The following ZFAT variants were observed in gnomAD, a reference collection of about 807,000 sequenced individuals.
ZFAT encodes zinc finger protein ZFAT.
A neutral mutation model predicts 117.7 loss-of-function variants in ZFAT; 64 were observed. That is an observed-to-expected ratio of 0.54 (90% CI 0.44 to 0.67). The LOEUF (loss-of-function observed/expected upper bound fraction) is 0.67, where lower values mean the gene tolerates loss of function less well. Among genes scored for constraint, ZFAT ranks in the 30% least tolerant of loss-of-function variants. The probability of loss-of-function intolerance (pLI) is 0.00; values close to 1 mark genes in which losing one functional copy is unlikely to be tolerated. For synonymous variants in ZFAT, 679 were observed against 615.0 expected (o/e 1.10, Z -1.54); for missense variants, 1,433 against 1,584.5 (o/e 0.90, Z 1.62).
chr8:134,723,860 A>T, the ZFAT span: 1 of 152,242 alleles, frequency 6.6e-6, no homozygotes. Flanking sequence ...CTGCTGTAAC[A>T]GCTGAGAGAA....
At chr8:134,541,002 C>A (rs920952494) in intron 11 of ZFAT, among the ~76,000 whole-genome samples, 4 of 152,134 alleles carry the variant, frequency 2.6e-5, no homozygotes, top group Non-Finnish European at 5.9e-5. Flanking sequence ...GGGAGAGGGG[C>A]CAGTTCTCGT....
chr8:134,604,356 G>A (rs953332136), intron 5 of ZFAT, among the ~76,000 whole-genome samples: 4 of 152,184 alleles, frequency 2.6e-5, no homozygotes, highest in Non-Finnish European at 5.9e-5. Flanking sequence ...TGAAATCACT[G>A]ACACGCAGCG....
In ZFAT at chr8:134,669,176, C is replaced by A. The variant is rs147880574; in HGVS notation, c.20-11439G>T. ...GAATGGAACCAAGGTGGAAAACACTCTGCAGGATATTATCCAGGAGAACTT... is the reference window on the plus strand; with the variant it reads ...GAATGGAACCAAGGTGGAAAACACTATGCAGGATATTATCCAGGAGAACTT... On this transcript the variant is annotated intron_variant, in intron 1 of 15. Transcript: ENST00000377838. 8.5e-3 allele frequency among the ~76,000 whole-genome samples: 1,301 copies of A among 152,318 alleles called. 27 individuals carry two copies. Among genetic ancestry groups the A allele is most frequent in the African/African-American group, 0.03 (1,234 of 41,552 alleles).
At position 134,503,675 on chromosome 8, in the gene ZFAT, G is replaced by A. The variant is rs529820488; in HGVS notation, c.3492+5944C>T. Among the ~76,000 whole-genome samples the A allele has an allele frequency of 3.9e-5, 6 of 152,122 alleles. No homozygotes were observed. In the South Asian group the frequency reaches 1.2e-3, roughly 32 times the overall value. ...TGATGGCCTAAATAGAATTAAAAAGGTGACCCTCCCCTTTTGAAAAGGAGG... is the reference window on the plus strand; with the variant it reads ...TGATGGCCTAAATAGAATTAAAAAGATGACCCTCCCCTTTTGAAAAGGAGG... On this transcript the variant is annotated intron_variant, in intron 15 of 15. Transcript: ENST00000377838.
At chr8:134,804,318 G>C in the ZFAT span, among the ~76,000 whole-genome samples, 4 of 152,210 alleles carry the variant, frequency 2.6e-5, no homozygotes, top group African/African-American at 9.6e-5. Flanking sequence ...TTAGTGGCTT[G>C]ACGTCTTGCA....
the ZFAT span, among the ~76,000 whole-genome samples, chr8:134,727,915 AATATCATT>A: frequency 6.6e-6 from 1 of 152,178 alleles, no homozygotes; most frequent in African/African-American, 2.4e-5. Context: ...CATAATGATA[AATATCATT>A]ATCAAAAATA....
chr8:134,659,696 C>T (rs1563738100), intron 1 of ZFAT, among the ~76,000 whole-genome samples: 1 of 152,226 alleles, frequency 6.6e-6, no homozygotes, highest in East Asian at 1.9e-4. Flanking sequence ...AAAATGAAAA[C>T]AACTCCTGAT....
chr8:134,816,978 C>T, the ZFAT span, among the ~76,000 whole-genome samples: 1 of 139,488 alleles, frequency 7.2e-6, no homozygotes, highest in African/African-American at 2.7e-5. Flanking sequence ...AAGACTCCAT[C>T]TCAAAAAAAA....
the ZFAT span, among the ~76,000 whole-genome samples, chr8:134,724,627 G>A: frequency 3.3e-5 from 5 of 152,080 alleles, no homozygotes; most frequent in Non-Finnish European, 7.4e-5. Context: ...AACTGGTCTC[G>A]GGTGGTCTGG....
intron 5 of ZFAT, among the ~76,000 whole-genome samples, chr8:134,605,284 C>T (rs550438871): frequency 1.0e-3 from 155 of 152,322 alleles, no homozygotes; most frequent in African/African-American, 3.4e-3. Flanking sequence ...CAGTGGCTCA[C>T]GCCTGTAATC....
intron 1 of ZFAT, among the ~76,000 whole-genome samples, chr8:134,706,746 T>C (rs1230705333): frequency 6.6e-6 from 1 of 151,864 alleles, no homozygotes; most frequent in Non-Finnish European, 1.5e-5. Flanking sequence ...GGAGCAGGGA[T>C]GGGATAGTAA....
chr8:134,810,578 C>T, the ZFAT span, among the ~76,000 whole-genome samples: 1 of 152,194 alleles, frequency 6.6e-6, no homozygotes, highest in Non-Finnish European at 1.5e-5. Flanking sequence ...GAAGAGGCCA[C>T]ACCTGTTCCT....
intron 11 of ZFAT, among the ~76,000 whole-genome samples, chr8:134,550,178 C>T (rs945130606): frequency 2.6e-5 from 4 of 151,976 alleles, no homozygotes; most frequent in Non-Finnish European, 5.9e-5. Flanking sequence ...GGCTCAAGGC[C>T]GAGTCCACCG....
At chr8:134,753,232 C>CCAACCAACAACAA in the ZFAT span, among the ~76,000 whole-genome samples, 1 of 149,752 alleles carries the variant, frequency 6.7e-6, no homozygotes, top group African/African-American at 2.5e-5. Flanking sequence ...AACGAACCAA[C>CCAACCAACAACAA]CAACAACAAC....
intron 3 of ZFAT, among the ~76,000 whole-genome samples, chr8:134,631,576 T>C (rs1340987974): frequency 1.3e-5 from 2 of 152,224 alleles, no homozygotes; most frequent in Non-Finnish European, 2.9e-5. Flanking sequence ...ACATACTGTG[T>C]GAGTCCATTT....
chr8:134,556,472 T>C (rs1445853530), intron 11 of ZFAT, among the ~76,000 whole-genome samples: 1 of 151,612 alleles, frequency 6.6e-6, no homozygotes, highest in African/African-American at 2.4e-5. Flanking sequence ...CCACAGAAGC[T>C]CAACAAACCC....
intron 1 of ZFAT, among the ~76,000 whole-genome samples, chr8:134,686,441 T>A (rs892027692): frequency 6.6e-6 from 1 of 152,200 alleles, no homozygotes; most frequent in Admixed American, 6.5e-5. Context: ...GTGAGTTCAG[T>A]TTGCGAACAT....
At chr8:134,644,508 T>C (rs1301920253) in intron 2 of ZFAT, among the ~76,000 whole-genome samples, 1 of 151,016 alleles carries the variant, frequency 6.6e-6, no homozygotes, top group Non-Finnish European at 1.5e-5. Context: ...ATATACACAA[T>C]CATACACACA....
chr8:134,672,521 C>T (rs892423431), intron 1 of ZFAT, among the ~76,000 whole-genome samples: 5 of 151,860 alleles, frequency 3.3e-5, no homozygotes, highest in Non-Finnish European at 5.9e-5. Flanking sequence ...CAAACCTGCA[C>T]GTTGTGCACA....
Sources: allele counts gnomAD v4.1 joint callset (sites outside exome capture counted in the v4.1 genomes callset), GRCh38; gene constraint gnomAD v4.1.1; transcripts MANE v1.5; gene names NCBI Gene and HGNC (gene_info 2026-07-23, HGNC 2026-07-21).